Variants in ST8SIA4 observed in about 807,000 individuals in gnomAD.
ST8SIA4 encodes the protein CMP-N-acetylneuraminate-poly-alpha-2,8-sialyltransferase.
ST8SIA4 carries 15 observed loss-of-function variants against 33.9 expected under a neutral mutation model. The observed-to-expected ratio is 0.44, with a 90% CI of 0.30 to 0.68. The LOEUF (loss-of-function observed/expected upper bound fraction) is 0.68, where lower values mean the gene tolerates loss of function less well. Ranked by LOEUF, ST8SIA4 falls within the 30% of genes least tolerant of loss-of-function variation. The pLI, the probability that ST8SIA4 is intolerant of heterozygous loss-of-function variation, is 0.10. For synonymous variants in ST8SIA4, 171 were observed against 151.2 expected (o/e 1.13, Z -0.96); for missense variants, 321 against 428.0 (o/e 0.75, Z 2.21).
chr5:100,900,365 A>C lies in ST8SIA4; in HGVS notation c.113+2478T>G, dbSNP rs1319036314. 1.5e-5 allele frequency: 7 copies of C among 455,108 alleles called. No homozygotes were observed. In the East Asian group the frequency reaches 4.2e-4, roughly 27 times the overall value. The allele number at this position is 455,108 out of a possible 1,614,324, so 28.2% of individuals were successfully genotyped here. On this transcript the variant is annotated intron_variant, in intron 1 of 4. Coordinates refer to ENST00000231461, the MANE Select transcript of ST8SIA4 (RefSeq NM_005668.6). ...TGGAGCCGAACCTCCATTCCAGTTT[A>C]CTCAAAACTCAAAACTGGCCTCTCC...
At chr5:100,816,248 A>G (rs910732255) in intron 4 of ST8SIA4, among the ~76,000 whole-genome samples, 13 of 152,216 alleles carry the variant, frequency 8.5e-5, no homozygotes, top group African/African-American at 2.9e-4. Flanking sequence ...GTACCTAATA[A>G]ATGCTTATTG....
At chr5:100,839,480 T>C (rs1275278561) in intron 4 of ST8SIA4, among the ~76,000 whole-genome samples, 1 of 151,952 alleles carries the variant, frequency 6.6e-6, no homozygotes, top group Admixed American at 6.6e-5. Flanking sequence ...AAATCCTATT[T>C]TAGAATTATT....
intron 4 of ST8SIA4, among the ~76,000 whole-genome samples, chr5:100,850,446 A>G (rs1027295639): frequency 1.3e-5 from 2 of 151,844 alleles, no homozygotes; most frequent in Non-Finnish European, 2.9e-5. Context: ...AAAAGTAAAA[A>G]TTAAAAAAAA....
intron 4 of ST8SIA4, among the ~76,000 whole-genome samples, chr5:100,853,616 GTTTATA>G (rs1179183203): frequency 1.3e-5 from 2 of 152,158 alleles, no homozygotes; most frequent in African/African-American, 2.4e-5. Flanking sequence ...TAGTGAAGTA[GTTTATA>G]TTTATAATGG....
chr5:100,902,493 C>A (rs1752942290), intron 1 of ST8SIA4, among the ~76,000 whole-genome samples: 1 of 152,168 alleles, frequency 6.6e-6, no homozygotes, highest in Admixed American at 6.5e-5. Flanking sequence ...AAACAGGCAA[C>A]CGTTTGGTGA....
intron 4 of ST8SIA4, among the ~76,000 whole-genome samples, chr5:100,827,541 C>A (rs1054585745): frequency 6.6e-6 from 1 of 152,184 alleles, no homozygotes. Context: ...ATTCATTCCA[C>A]CATGGAAACA....
At chr5:100,868,393 T>C (rs186310522) in intron 3 of ST8SIA4, among the ~76,000 whole-genome samples, 2 of 152,162 alleles carry the variant, frequency 1.3e-5, no homozygotes, top group Admixed American at 6.5e-5. Context: ...AACCATGATA[T>C]AAAATCTATT....
intron 4 of ST8SIA4, among the ~76,000 whole-genome samples, chr5:100,839,299 T>C (rs1751426496): frequency 6.6e-6 from 1 of 152,028 alleles, no homozygotes; most frequent in South Asian, 2.1e-4. Context: ...GTTTGAGCCT[T>C]ATAAATAATA....
At chr5:100,878,858 T>C (rs1259679432) in intron 3 of ST8SIA4, among the ~76,000 whole-genome samples, 1 of 152,192 alleles carries the variant, frequency 6.6e-6, no homozygotes, top group African/African-American at 2.4e-5. Flanking sequence ...TGATTTTTTG[T>C]GGTAAATCAG....
At chr5:100,893,317 C>G (rs997510871) in intron 2 of ST8SIA4, among the ~76,000 whole-genome samples, 1 of 151,938 alleles carries the variant, frequency 6.6e-6, no homozygotes. Context: ...TTTTTATGAA[C>G]TCTTTGCACA....
intron 1 of ST8SIA4, 37 bp downstream of exon 1, chr5:100,902,783 TTCACATTTCATTTATGGCTTGAC>T: frequency 7.1e-7 from 1 of 1,408,384 alleles, no homozygotes; most frequent in South Asian, 1.2e-5. Flanking sequence ...ACCCTCTATA[TTCACATTTCATTTATGGCTTGAC>T]TTTTTGTCAT....
At chr5:100,830,404 T>C (rs1446171620) in intron 4 of ST8SIA4, among the ~76,000 whole-genome samples, 2 of 152,226 alleles carry the variant, frequency 1.3e-5, no homozygotes, top group Non-Finnish European at 2.9e-5. Flanking sequence ...GTAAAGTGCT[T>C]TAAGTAATGC....
intron 4 of ST8SIA4, among the ~76,000 whole-genome samples, chr5:100,825,246 A>G (rs965168637): frequency 2.6e-5 from 4 of 152,142 alleles, no homozygotes; most frequent in Admixed American, 2.6e-4. Context: ...CTAAAGATAG[A>G]CATGAGATTT....
At chr5:100,879,738 C>A (rs934870012) in intron 3 of ST8SIA4, among the ~76,000 whole-genome samples, 1 of 152,088 alleles carries the variant, frequency 6.6e-6, no homozygotes, top group South Asian at 2.1e-4. Flanking sequence ...CAAAGAGGCA[C>A]GCAAAGCAGA....
At chr5:100,871,838 T>C (rs967950688) in intron 3 of ST8SIA4, among the ~76,000 whole-genome samples, 9 of 152,100 alleles carry the variant, frequency 5.9e-5, no homozygotes, top group Non-Finnish European at 1.0e-4. Flanking sequence ...CCTATTATTA[T>C]TGACCTCACT....
At chr5:100,826,236 C>T (rs1244355765) in intron 4 of ST8SIA4, among the ~76,000 whole-genome samples, 3 of 152,046 alleles carry the variant, frequency 2.0e-5, no homozygotes, top group Non-Finnish European at 4.4e-5. Flanking sequence ...TGGCCAGTTC[C>T]CCTATTCGTT....
At chr5:100,855,039 T>C (rs777678767) in intron 4 of ST8SIA4, among the ~76,000 whole-genome samples, 59 of 152,192 alleles carry the variant, frequency 3.9e-4, no homozygotes, top group Admixed American at 2.1e-3. Flanking sequence ...TCAATTCCCT[T>C]CTCAACCACA....
chr5:100,872,418 T>A (rs1348886268), intron 3 of ST8SIA4, among the ~76,000 whole-genome samples: 1 of 152,134 alleles, frequency 6.6e-6, no homozygotes, highest in African/African-American at 2.4e-5. Flanking sequence ...TATTGTGTCA[T>A]AGACACCAGA....
At chr5:100,870,427 T>C (rs1040914988) in intron 3 of ST8SIA4, among the ~76,000 whole-genome samples, 1 of 152,182 alleles carries the variant, frequency 6.6e-6, no homozygotes, top group African/African-American at 2.4e-5. Flanking sequence ...TTGGAAGACA[T>C]CATTAACTTG....
Sources: allele counts gnomAD v4.1 joint callset (sites outside exome capture counted in the v4.1 genomes callset), GRCh38; gene constraint gnomAD v4.1.1; transcripts MANE v1.5; gene names NCBI Gene and HGNC (gene_info 2026-07-23, HGNC 2026-07-21).